Variants in MAGI2 observed in about 807,000 individuals in gnomAD.
The protein encoded by MAGI2 is membrane associated guanylate kinase, WW and PDZ domain containing 2, also known as membrane-associated guanylate kinase, WW and PDZ domain-containing protein 2.
In MAGI2, 35 loss-of-function variants were observed where a neutral mutation model predicts 133.3. The observed-to-expected ratio is 0.26, with a 90% CI of 0.20 to 0.35. MAGI2 has a LOEUF of 0.35. MAGI2 is among the 10% of genes least tolerant of loss of function. The pLI, the probability that MAGI2 is intolerant of heterozygous loss-of-function variation, is 1.00. For missense variants in MAGI2, 1,636 were observed against 1,863.4 expected (o/e 0.88, Z 2.25); for synonymous variants, 729 against 710.6 (o/e 1.03, Z -0.41).
At chr7:78,380,004 T>C (rs770907879) in intron 6 of MAGI2, among the ~76,000 whole-genome samples, 3 of 151,760 alleles carry the variant, frequency 2.0e-5, no homozygotes, top group Non-Finnish European at 4.4e-5. Flanking sequence ...AAATATTAAA[T>C]AAAAAATCTG....
intron 2 of MAGI2, among the ~76,000 whole-genome samples, chr7:78,757,049 C>T (rs1824014810): frequency 6.6e-6 from 1 of 152,146 alleles, no homozygotes; most frequent in African/African-American, 2.4e-5. Context: ...ATACATCTCC[C>T]ACCATAATCT....
At chr7:78,648,409 T>G (rs1406116212) in intron 2 of MAGI2, among the ~76,000 whole-genome samples, 2 of 152,250 alleles carry the variant, frequency 1.3e-5, no homozygotes, top group Admixed American at 6.5e-5. Context: ...GCTATGCCTA[T>G]TTTTGTTAGC....
chr7:79,206,260 C>G (rs367757034), intron 1 of MAGI2, among the ~76,000 whole-genome samples: 2 of 148,744 alleles, frequency 1.3e-5, no homozygotes, highest in Non-Finnish European at 1.5e-5. Context: ...ATAGAGACTA[C>G]GAATACAATA....
intron 9 of MAGI2, among the ~76,000 whole-genome samples, chr7:78,263,273 T>C (rs1433426329): frequency 6.6e-6 from 1 of 152,370 alleles, no homozygotes; most frequent in Middle Eastern, 3.4e-3. Context: ...AGCACTGCAA[T>C]GAACATATGA....
intron 1 of MAGI2, among the ~76,000 whole-genome samples, chr7:79,132,479 T>G (rs1216797807): frequency 6.6e-6 from 1 of 152,156 alleles, no homozygotes; most frequent in Non-Finnish European, 1.5e-5. Flanking sequence ...ATTTCATTTA[T>G]TTTAATAGGT....
chr7:78,678,787 A>C (rs1815321614), intron 2 of MAGI2, among the ~76,000 whole-genome samples: 1 of 152,196 alleles, frequency 6.6e-6, no homozygotes, highest in Non-Finnish European at 1.5e-5. Context: ...CATGTTGCCC[A>C]AATGACTATA....
intron 10 of MAGI2, among the ~76,000 whole-genome samples, chr7:78,229,259 T>G (rs1200507655): frequency 6.6e-6 from 1 of 152,220 alleles, no homozygotes; most frequent in East Asian, 1.9e-4. Flanking sequence ...GATTTTCTTG[T>G]TTAGTCCTTG....
chr7:79,405,921 C>CAAAAAAAAAAAAAAAAA (rs34025242), intron 1 of MAGI2, among the ~76,000 whole-genome samples: 1 of 107,314 alleles, frequency 9.3e-6, no homozygotes. Flanking sequence ...AACCACAACA[C>CAAAAAAAAAAAAAAAAA]AAAAAAAAAA....
At chr7:79,128,237 G>A (rs193263105) in intron 1 of MAGI2, among the ~76,000 whole-genome samples, 2 of 151,928 alleles carry the variant, frequency 1.3e-5, no homozygotes, top group Non-Finnish European at 2.9e-5. Context: ...ATGGTTTTCA[G>A]CATATTTAGT....
intron 1 of MAGI2, among the ~76,000 whole-genome samples, chr7:79,290,950 A>C (rs1287966571): frequency 6.6e-6 from 1 of 152,104 alleles, no homozygotes; most frequent in Non-Finnish European, 1.5e-5. Context: ...AAAACATAAA[A>C]AATGAAGCTT....
rs60580466 is a variant in MAGI2 at position 78,853,332 on chromosome 7, C to CTTTTTTTTTTTTTTTTTTTTTTTT, written c.418+153734_418+153757dup. On this transcript the variant is annotated intron_variant, in intron 2 of 21. Coordinates refer to ENST00000354212, the MANE Select transcript of MAGI2 (RefSeq NM_012301.4). Reference sequence around the variant, plus strand: ...CTCATATTACTCTTGTCCATTCGTTCTTTTTTTTTTTTTTTTTTTTTTTTT... The same window carrying CTTTTTTTTTTTTTTTTTTTTTTTT: ...CTCATATTACTCTTGTCCATTCGTTCTTTTTTTTTTTTTTTTTTTTTTTTTTTTTTTTTTTTTTTTTTTTTTTTT... 1.6e-4 allele frequency among the ~76,000 whole-genome samples: 4 copies of CTTTTTTTTTTTTTTTTTTTTTTTT among 25,076 alleles called. 1 individual carries two copies. The highest frequency in any genetic ancestry group is 6.1e-4 in the Admixed American group (1 of 1,636). The allele number at this position is 25,076 out of a possible 152,430, so 16.5% of individuals were successfully genotyped here.
intron 10 of MAGI2, among the ~76,000 whole-genome samples, chr7:78,233,027 A>C (rs1471993888): frequency 1.3e-5 from 2 of 152,192 alleles, no homozygotes; most frequent in Non-Finnish European, 2.9e-5. Flanking sequence ...GAGTCATGTG[A>C]GATGAGGCTA....
chr7:78,858,685 T>C (rs1793875617), intron 2 of MAGI2, among the ~76,000 whole-genome samples: 1 of 152,214 alleles, frequency 6.6e-6, no homozygotes, highest in South Asian at 2.1e-4. Context: ...TGTGGTCAAT[T>C]TTGGAATAAG....
chr7:78,020,821 T>A lies in MAGI2; in HGVS notation c.3707-845A>T, dbSNP rs770830305. 1.6e-4 allele frequency among the ~76,000 whole-genome samples: 24 copies of A among 151,926 alleles called. No homozygotes were observed. The East Asian group carries it at 1.9e-3, about 12-fold the overall frequency. On this transcript the variant is annotated intron_variant, in intron 21 of 21. Coordinates refer to ENST00000354212, the MANE Select transcript of MAGI2 (RefSeq NM_012301.4). ...AATACATTTTAAAACTATCATTTTT[T>A]AAAAAAAATCGTCCTTAATTCCATT... is the stretch of plus-strand genomic sequence containing the variant.
intron 10 of MAGI2, among the ~76,000 whole-genome samples, chr7:78,213,344 T>C (rs950128983): frequency 1.3e-5 from 2 of 152,170 alleles, no homozygotes; most frequent in African/African-American, 4.8e-5. Flanking sequence ...GAAGTCCTGA[T>C]AAAGGTTATT....
chr7:79,262,297 C>G (rs1834145458), intron 1 of MAGI2, among the ~76,000 whole-genome samples: 1 of 152,136 alleles, frequency 6.6e-6, no homozygotes, highest in South Asian at 2.1e-4. Flanking sequence ...GAGGACCTAG[C>G]ATTCAATCTA....
intron 6 of MAGI2, among the ~76,000 whole-genome samples, chr7:78,472,732 G>A (rs1791349948): frequency 1.3e-5 from 2 of 152,108 alleles, no homozygotes; most frequent in African/African-American, 4.8e-5. Context: ...GAATTCCCAA[G>A]TTGCACAATA....
chr7:78,995,205 TAA>T (rs769482295), intron 2 of MAGI2, among the ~76,000 whole-genome samples: 1 of 152,082 alleles, frequency 6.6e-6, no homozygotes, highest in Non-Finnish European at 1.5e-5. Flanking sequence ...CATAACGTCT[TAA>T]AAGAGTTTAC....
intron 9 of MAGI2, among the ~76,000 whole-genome samples, chr7:78,333,236 C>T (rs574607297): frequency 1.3e-5 from 2 of 152,218 alleles, no homozygotes; most frequent in South Asian, 4.1e-4. Context: ...GCTAGCACTA[C>T]AGAGAACTGA....
Sources: allele counts gnomAD v4.1 joint callset (sites outside exome capture counted in the v4.1 genomes callset), GRCh38; gene constraint gnomAD v4.1.1; transcripts MANE v1.5; gene names NCBI Gene and HGNC (gene_info 2026-07-23, HGNC 2026-07-21).